SKAP2: variants seen among roughly 807,000 people sequenced by gnomAD.
SKAP2 encodes src kinase associated phosphoprotein 2.
SKAP2 carries 28 observed loss-of-function variants against 54.9 expected under a neutral mutation model. That is an observed-to-expected ratio of 0.51 (90% CI 0.38 to 0.70). The LOEUF (loss-of-function observed/expected upper bound fraction) is 0.70, where lower values mean the gene tolerates loss of function less well. Ranked by LOEUF, SKAP2 falls within the 30% of genes least tolerant of loss-of-function variation. The pLI is 0.00. For missense variants in SKAP2, 356 were observed against 424.1 expected (o/e 0.84, Z 1.41); for synonymous variants, 137 against 134.3 (o/e 1.02, Z -0.14).
intron 4 of SKAP2, among the ~76,000 whole-genome samples, chr7:26,819,515 C>T (rs898800641): frequency 1.3e-5 from 2 of 151,686 alleles, no homozygotes; most frequent in Admixed American, 6.6e-5. Flanking sequence ...CACATGTATA[C>T]CTATGTAACA....
chr7:26,861,417 G>A (rs1785268908), intron 1 of SKAP2, among the ~76,000 whole-genome samples: 1 of 152,002 alleles, frequency 6.6e-6, no homozygotes, highest in Non-Finnish European at 1.5e-5. Context: ...AATGCATATG[G>A]CAGCTCAAAA....
intron 4 of SKAP2, among the ~76,000 whole-genome samples, chr7:26,819,697 T>A (rs1784352656): frequency 6.6e-6 from 1 of 152,192 alleles, no homozygotes; most frequent in African/African-American, 2.4e-5. Context: ...AAAGACAGCA[T>A]CTTTACATGC....
At chr7:26,712,261 T>A (rs1466256977) in intron 9 of SKAP2, among the ~76,000 whole-genome samples, 1 of 152,136 alleles carries the variant, frequency 6.6e-6, no homozygotes, top group Non-Finnish European at 1.5e-5. Context: ...TGTCAAAAAG[T>A]TTCAGATTTT....
chr7:26,659,159 T>G, the SKAP2 span, among the ~76,000 whole-genome samples: 1 of 152,216 alleles, frequency 6.6e-6, no homozygotes, highest in East Asian at 1.9e-4. Flanking sequence ...TTGCTTCTAA[T>G]GTAACTTAAA....
intron 4 of SKAP2, among the ~76,000 whole-genome samples, chr7:26,812,684 T>C (rs971770109): frequency 6.6e-6 from 1 of 152,162 alleles, no homozygotes; most frequent in Non-Finnish European, 1.5e-5. Flanking sequence ...TAAGGTATAA[T>C]AGGTATGTTA....
chr7:26,789,797 A>G (rs1783636499), intron 4 of SKAP2, among the ~76,000 whole-genome samples: 1 of 152,158 alleles, frequency 6.6e-6, no homozygotes. Flanking sequence ...TCATTTTATA[A>G]ACTGGAATCT....
At chr7:26,800,901 T>C (rs1020919290) in intron 4 of SKAP2, among the ~76,000 whole-genome samples, 3 of 152,188 alleles carry the variant, frequency 2.0e-5, no homozygotes, top group African/African-American at 7.2e-5. Flanking sequence ...GCTTCACTGC[T>C]GAATTCTACC....
intron 9 of SKAP2, among the ~76,000 whole-genome samples, chr7:26,705,897 C>T (rs1039127646): frequency 1.3e-5 from 2 of 152,144 alleles, no homozygotes; most frequent in African/African-American, 4.8e-5. Flanking sequence ...CAAAACAAAT[C>T]ATAGGGACAT....
intron 11 of SKAP2, among the ~76,000 whole-genome samples, chr7:26,674,388 G>C (rs1171105556): frequency 6.6e-6 from 1 of 152,008 alleles, no homozygotes; most frequent in East Asian, 1.9e-4. Flanking sequence ...CTTTCATCAA[G>C]GCTACCTCTT....
chr7:26,857,123 G>C (rs1584430143), intron 1 of SKAP2, among the ~76,000 whole-genome samples: 2 of 148,264 alleles, frequency 1.3e-5, no homozygotes, highest in East Asian at 4.0e-4. Context: ...TATTTTTCAA[G>C]GATGCCAGAA....
chr7:26,795,538 T>TA (rs1247040840), intron 4 of SKAP2, among the ~76,000 whole-genome samples: 1 of 152,190 alleles, frequency 6.6e-6, no homozygotes, highest in Non-Finnish European at 1.5e-5. Context: ...ATTAGCAAGA[T>TA]ACGATTCTCA....
chr7:26,722,113 G>C (rs1273316532), intron 9 of SKAP2, among the ~76,000 whole-genome samples: 2 of 152,154 alleles, frequency 1.3e-5, no homozygotes, highest in African/African-American at 2.4e-5. Flanking sequence ...AAAGGATTAG[G>C]ATATTTGAAG....
At chr7:26,842,571 T>C (rs1401722714) in intron 4 of SKAP2, among the ~76,000 whole-genome samples, 1 of 151,902 alleles carries the variant, frequency 6.6e-6, no homozygotes, top group Admixed American at 6.6e-5. Context: ...AGAAACTATG[T>C]CTATATAGTC....
At chr7:26,847,101 A>T (rs960116366) in intron 3 of SKAP2, among the ~76,000 whole-genome samples, 4 of 151,820 alleles carry the variant, frequency 2.6e-5, no homozygotes, top group Middle Eastern at 3.4e-3. Flanking sequence ...TTTTTTTTTT[A>T]AATCAGTGTG....
At chr7:26,754,930 C>T (rs1001136430) in intron 4 of SKAP2, among the ~76,000 whole-genome samples, 2 of 152,160 alleles carry the variant, frequency 1.3e-5, no homozygotes, top group South Asian at 2.1e-4. Flanking sequence ...CCAAAAGATA[C>T]ACATCCCGCT....
At chr7:26,864,055 T>TCA (rs35995014) in intron 1 of SKAP2, among the ~76,000 whole-genome samples, 32,308 of 143,264 alleles carry the variant, frequency 0.23, 3,678 homozygotes, top group East Asian at 0.33. Context: ...CGCCCTTCTG[T>TCA]CACACACACA....
chr7:26,703,733 ATC>A (rs918740036), intron 9 of SKAP2, among the ~76,000 whole-genome samples: 1 of 152,198 alleles, frequency 6.6e-6, no homozygotes, highest in African/African-American at 2.4e-5. Context: ...GATTATAATA[ATC>A]TGTTTACTGT....
At chr7:26,845,001 C>T (rs1340885347) in intron 3 of SKAP2, among the ~76,000 whole-genome samples, 1 of 152,020 alleles carries the variant, frequency 6.6e-6, no homozygotes, top group African/African-American at 2.4e-5. Context: ...TTTGCTAGCC[C>T]AGTTACACAT....
intron 9 of SKAP2, among the ~76,000 whole-genome samples, chr7:26,704,498 G>T (rs1183629097): frequency 6.6e-6 from 1 of 152,170 alleles, no homozygotes; most frequent in Non-Finnish European, 1.5e-5. Flanking sequence ...ACGAAAGAAT[G>T]GCACTCTCAA....
Sources: allele counts gnomAD v4.1 joint callset (sites outside exome capture counted in the v4.1 genomes callset), GRCh38; gene constraint gnomAD v4.1.1; transcripts MANE v1.5; gene names NCBI Gene and HGNC (gene_info 2026-07-23, HGNC 2026-07-21).